Variants in RPS29 observed in about 807,000 individuals in gnomAD.
RPS29 encodes the protein small ribosomal subunit protein uS14.
For synonymous variants in RPS29, 37 were observed against 26.9 expected, an observed-to-expected ratio of 1.37 and a Z score of -1.16; for missense variants, 60 against 75.7, an observed-to-expected ratio of 0.79 and a Z score of 0.77.
chr14:49,586,405 CA>C (rs1277538128), upstream of RPS29: 1 of 1,478,138 alleles, frequency 6.8e-7, no homozygotes, highest in Non-Finnish European at 9.5e-7. Context: ...ATGCGCTCTT[CA>C]AATTTTTGAG....
downstream of RPS29, among the ~76,000 whole-genome samples, chr14:49,579,188 A>G (rs1169054255): frequency 6.6e-6 from 1 of 152,216 alleles, no homozygotes; most frequent in African/African-American, 2.4e-5. Flanking sequence ...AATAAGCCCA[A>G]GAAAGCTCAT....
At chr14:49,578,559 C>CTTTTTTT (rs60555753) in intron 2 of RPS29, among the ~76,000 whole-genome samples, 50,281 of 102,332 alleles carry the variant, frequency 0.49, 13,949 homozygotes, top group Non-Finnish European at 0.56. Flanking sequence ...AAAGCTTTCA[C>CTTTTTTT]TTTTTTTTTT....
chr14:49,573,370 A>C (rs1270599951), exon 3 of RPS29: 1 of 150,820 alleles, frequency 6.6e-6, no homozygotes, highest in Non-Finnish European at 1.5e-5. Context: ...CCAGAGGCTA[A>C]GTTAAGGCAG....
At chr14:49,577,896 G>C (rs780543808) in intron 2 of RPS29, 1 of 1,426,494 alleles carries the variant, frequency 7.0e-7, no homozygotes, top group Non-Finnish European at 9.7e-7. Flanking sequence ...AAAAAGCAAT[G>C]ATGCCCAACC....
chr14:49,577,750 CT>C, exon 3 of RPS29: 3 of 1,338,792 alleles, frequency 2.2e-6, no homozygotes, highest in East Asian at 2.3e-5. Context: ...ACTTGGTGCT[CT>C]TTTTGATGAT....
intron 1 of RPS29, chr14:49,592,106 A>T (rs1881726172): frequency 6.6e-6 from 1 of 152,162 alleles, no homozygotes; most frequent in Non-Finnish European, 1.5e-5. Context: ...ATGTATAAGG[A>T]AATACACCTT....
At chr14:49,591,506 T>C (rs1275969542) in intron 1 of RPS29, among the ~76,000 whole-genome samples, 1 of 151,910 alleles carries the variant, frequency 6.6e-6, no homozygotes. Flanking sequence ...GACACGGAGT[T>C]TCACCATGTT....
downstream of RPS29, among the ~76,000 whole-genome samples, chr14:49,582,304 C>G (rs1881363612): frequency 6.6e-6 from 1 of 152,152 alleles, no homozygotes; most frequent in Admixed American, 6.5e-5. Flanking sequence ...CTCACAATAT[C>G]TAACTATAAC....
chr14:49,581,421 G>C (rs1458443451), downstream of RPS29, among the ~76,000 whole-genome samples: 1 of 152,046 alleles, frequency 6.6e-6, no homozygotes, highest in Non-Finnish European at 1.5e-5. Context: ...TGTCCAAATT[G>C]AACTTTCTAT....
At chr14:49,579,855 C>G (rs538135230), downstream of RPS29, among the ~76,000 whole-genome samples, 1 of 152,222 alleles carries the variant, frequency 6.6e-6, no homozygotes, top group Non-Finnish European at 1.5e-5. Flanking sequence ...TGATTTCAGA[C>G]AGACCCAGTT....
At chr14:49,571,811 T>A (rs915530715) in exon 3 of RPS29, 3 of 152,218 alleles carry the variant, frequency 2.0e-5, no homozygotes, top group East Asian at 3.8e-4. Flanking sequence ...TATGTGTCTC[T>A]CCATTGGCTG....
At chr14:49,583,696 G>T (rs1331748557) in intron 2 of RPS29, 21 bp from the exon 3 acceptor site, 1 of 1,352,330 alleles carries the variant, frequency 7.4e-7, no homozygotes, top group South Asian at 1.2e-5. Flanking sequence ...AAAAGCAGAT[G>T]ATTTATTTCA....
chr14:49,588,937 G>T (rs1242379148), upstream of RPS29, among the ~76,000 whole-genome samples: 15 of 141,328 alleles, frequency 1.1e-4, no homozygotes, highest in Non-Finnish European at 2.0e-4. Flanking sequence ...TGTGACCCAG[G>T]CTGGAGTGTA....
At chr14:49,598,474 C>G in exon 1 of RPS29, 1 of 702,426 alleles carries the variant, frequency 1.4e-6, no homozygotes, top group East Asian at 2.7e-5. Flanking sequence ...CTTCGACGTG[C>G]CAGGTGTGCC....
upstream of RPS29, chr14:49,586,523 A>G: frequency 3.2e-6 from 2 of 633,430 alleles, no homozygotes; most frequent in Non-Finnish European, 5.7e-6. Context: ...GGGCTGGCCC[A>G]GTTGATGACG....
chr14:49,579,351 C>G (rs905172869), downstream of RPS29, among the ~76,000 whole-genome samples: 1 of 152,218 alleles, frequency 6.6e-6, no homozygotes, highest in Admixed American at 6.5e-5. Context: ...TTAAGCCACT[C>G]AGTCTACTGG....
At chr14:49,595,668 G>A (rs984325883) in intron 1 of RPS29, among the ~76,000 whole-genome samples, 15 of 152,026 alleles carry the variant, frequency 9.9e-5, no homozygotes, top group African/African-American at 3.6e-4. Flanking sequence ...CAAACATAAT[G>A]AGCTACAAAG....
upstream of RPS29, chr14:49,586,388 C>T (rs887402980): frequency 7.1e-6 from 11 of 1,549,276 alleles, no homozygotes; most frequent in Admixed American, 3.3e-5. Context: ...AAGAAGCTGG[C>T]CCACGCATGC....
downstream of RPS29, among the ~76,000 whole-genome samples, chr14:49,582,012 C>CCAAAAAAAAAAAAAAAAAAAAAAA (rs71115379): frequency 1.9e-5 from 2 of 106,510 alleles, no homozygotes; most frequent in African/African-American, 9.1e-5. Flanking sequence ...CCCTGCCCCC[C>CCAAAAAAAAAAAAAAAAAAAAAAA]AAAAAAAAAA....
Sources: gnomAD v4.1 joint callset for allele counts (sites outside exome capture counted in the v4.1 genomes callset) on GRCh38, gnomAD v4.1.1 for gene constraint, MANE v1.5 for transcripts, NCBI Gene and HGNC (gene_info 2026-07-23, HGNC 2026-07-21) for gene names.